The following DOCK4 variants were observed in gnomAD, a reference collection of about 807,000 sequenced individuals.
DOCK4 encodes the protein dedicator of cytokinesis protein 4.
In DOCK4, 97 loss-of-function variants were observed where a neutral mutation model predicts 268.1. The observed-to-expected ratio is 0.36, with a 90% CI of 0.31 to 0.43. The LOEUF is 0.43. Ranked by LOEUF, DOCK4 falls within the 20% of genes least tolerant of loss-of-function variation. The probability of loss-of-function intolerance (pLI) is 1.00; values close to 1 mark genes in which losing one functional copy is unlikely to be tolerated. For missense variants in DOCK4, 2,145 were observed against 2,455.7 expected (o/e 0.87, Z 2.67); for synonymous variants, 954 against 887.2 (o/e 1.08, Z -1.34).
At chr7:112,059,835 C>G (rs1806234669) in intron 1 of DOCK4, among the ~76,000 whole-genome samples, 1 of 152,150 alleles carries the variant, frequency 6.6e-6, no homozygotes, top group African/African-American at 2.4e-5. Flanking sequence ...GATAGCATAT[C>G]TAATTGTACA....
chr7:112,141,847 C>T (rs1421593320), intron 1 of DOCK4, among the ~76,000 whole-genome samples: 1 of 152,156 alleles, frequency 6.6e-6, no homozygotes, highest in African/African-American at 2.4e-5. Context: ...ACTGGGGACA[C>T]TTCCACTTAC....
At chr7:111,809,844 G>C (rs890349546) in intron 28 of DOCK4, among the ~76,000 whole-genome samples, 5 of 152,170 alleles carry the variant, frequency 3.3e-5, no homozygotes, top group African/African-American at 1.2e-4. Flanking sequence ...TGTAAAAAAT[G>C]CATACACTTC....
chr7:111,799,374 C>T (rs1284988969), intron 30 of DOCK4, among the ~76,000 whole-genome samples: 1 of 152,234 alleles, frequency 6.6e-6, no homozygotes, highest in Non-Finnish European at 1.5e-5. Flanking sequence ...ATTGACACAA[C>T]TAGCAGAAGC....
chr7:111,985,298 G>A (rs921462979), intron 6 of DOCK4, among the ~76,000 whole-genome samples: 1 of 152,058 alleles, frequency 6.6e-6, no homozygotes, highest in Non-Finnish European at 1.5e-5. Flanking sequence ...GATCAAGGCC[G>A]AGATGATACC....
intron 1 of DOCK4, among the ~76,000 whole-genome samples, chr7:112,026,503 A>G (rs1231260636): frequency 6.6e-5 from 10 of 152,214 alleles, no homozygotes. Context: ...AACAAATAAC[A>G]GCCTACCAGC....
chr7:112,059,635 T>C (rs1167931995), intron 1 of DOCK4, among the ~76,000 whole-genome samples: 7 of 152,204 alleles, frequency 4.6e-5, no homozygotes, highest in Admixed American at 2.0e-4. Flanking sequence ...TCCAACATTG[T>C]TTCCTCAAAG....
At chr7:112,199,434 GCATTCC>G (rs1410482367) in intron 1 of DOCK4, among the ~76,000 whole-genome samples, 2 of 152,056 alleles carry the variant, frequency 1.3e-5, no homozygotes, top group African/African-American at 4.8e-5. Flanking sequence ...GTTACCAAAG[GCATTCC>G]ACTTTTTTGA....
intron 23 of DOCK4, among the ~76,000 whole-genome samples, chr7:111,859,958 T>A (rs747798702): frequency 2.4e-4 from 36 of 152,342 alleles, no homozygotes; most frequent in Non-Finnish European, 4.3e-4. Context: ...TCTTTTATTA[T>A]AGATCTTTAG....
At chr7:111,895,170 A>G (rs746605825) in intron 16 of DOCK4, among the ~76,000 whole-genome samples, 6 of 152,222 alleles carry the variant, frequency 3.9e-5, no homozygotes, top group Non-Finnish European at 5.9e-5. Flanking sequence ...AAGAACTGCT[A>G]AAGTTGTCAT....
chr7:112,151,038 A>G (rs1357891159), intron 1 of DOCK4, among the ~76,000 whole-genome samples: 2 of 152,204 alleles, frequency 1.3e-5, no homozygotes, highest in African/African-American at 4.8e-5. Flanking sequence ...CACAACACAC[A>G]TAAAATAAGT....
At chr7:111,918,299 C>G (rs919288813) in intron 12 of DOCK4, among the ~76,000 whole-genome samples, 1 of 152,198 alleles carries the variant, frequency 6.6e-6, no homozygotes, top group African/African-American at 2.4e-5. Flanking sequence ...GGCACATCCT[C>G]AGAACTTCAA....
At chr7:111,818,491 T>C (rs901886663) in intron 27 of DOCK4, among the ~76,000 whole-genome samples, 1 of 152,174 alleles carries the variant, frequency 6.6e-6, no homozygotes, top group African/African-American at 2.4e-5. Context: ...TTCCGTTACT[T>C]TTCTTCTCTC....
chr7:111,931,630 C>T (rs565150114), intron 12 of DOCK4, among the ~76,000 whole-genome samples: 20 of 152,078 alleles, frequency 1.3e-4, no homozygotes, highest in Non-Finnish European at 2.8e-4. Context: ...TAGAAGGGGT[C>T]GGTTCAATGA....
At position 111,822,444 on chromosome 7, in the gene DOCK4, G is replaced by C; in HGVS notation, c.2848C>G (p.Gln950Glu). ...AATATTCGGAACACAGTAAATATCTGCAGCAGGAAATCCTTGGATAAGGAG... is the reference window on the plus strand; with the variant it reads ...AATATTCGGAACACAGTAAATATCTCCAGCAGGAAATCCTTGGATAAGGAG... The part of the protein sequence containing the change: ...TKEELRDFLL[Q>E]IFTVFRILIR... The change falls in exon 27 of 53, where the codon CAG (glutamine) becomes GAG (glutamate). Residue 950 changes from glutamine to glutamate, a missense_variant. Physicochemically the swap from Gln to Glu is conservative, Grantham distance 29 (BLOSUM62 2). Transcript: ENST00000428084. 6.2e-7 allele frequency: 1 copy of C among 1,612,630 alleles called. No individual in the cohort carries two copies. The highest frequency in any genetic ancestry group is 8.5e-7 in the Non-Finnish European group (1 of 1,179,336).
At chr7:111,806,766 T>C (rs1295434688) in intron 30 of DOCK4, among the ~76,000 whole-genome samples, 3 of 152,096 alleles carry the variant, frequency 2.0e-5, no homozygotes, top group African/African-American at 7.2e-5. Context: ...GAGTGAGAGA[T>C]TTTGCATTTC....
intron 25 of DOCK4, among the ~76,000 whole-genome samples, chr7:111,837,087 C>T (rs1382614296): frequency 4.0e-5 from 6 of 151,834 alleles, no homozygotes; most frequent in African/African-American, 1.5e-4. Context: ...ACATCATAAT[C>T]AAATTGCTTA....
At chr7:112,079,596 T>A (rs907832523) in intron 1 of DOCK4, among the ~76,000 whole-genome samples, 1 of 152,208 alleles carries the variant, frequency 6.6e-6, no homozygotes, top group African/African-American at 2.4e-5. Context: ...AGAGACCCTG[T>A]ACTAAAAGAA....
rs757000805 is a variant in DOCK4 at position 111,782,845 on chromosome 7, A to C, written c.3585+19T>G. On this transcript the variant is annotated intron_variant, in intron 35 of 52. Transcript: ENST00000428084. ...CAAGTATTAGGAGAAAAGGAGAAAA[A>C]GGGGAATAGTTTACTAACCAGAAGG... The C allele has an allele frequency of 4.3e-6, 7 of 1,611,106 alleles. No individual in the cohort carries two copies. In the Admixed American group the frequency reaches 5.0e-5, roughly 12 times the overall value.
chr7:111,751,010 A>G (rs1408040546), intron 42 of DOCK4, among the ~76,000 whole-genome samples: 2 of 152,182 alleles, frequency 1.3e-5, no homozygotes, highest in African/African-American at 4.8e-5. Flanking sequence ...GAGTATTCCA[A>G]TGAGTAAATA....
Sources: gnomAD v4.1 joint callset for allele counts (sites outside exome capture counted in the v4.1 genomes callset) on GRCh38, gnomAD v4.1.1 for gene constraint, MANE v1.5 for transcripts, NCBI Gene and HGNC (gene_info 2026-07-23, HGNC 2026-07-21) for gene names.